Variants in NUP214 observed in about 807,000 individuals in gnomAD.
NUP214 encodes the protein nuclear pore complex protein Nup214.
In NUP214, 79 loss-of-function variants were observed where a neutral mutation model predicts 196.2. That is an observed-to-expected ratio of 0.40 (90% confidence interval 0.34 to 0.49). NUP214 has a LOEUF of 0.49. Ranked by LOEUF, NUP214 falls within the 20% of genes least tolerant of loss-of-function variation. NUP214 has a pLI of 0.58. For missense variants in NUP214, 2,468 were observed against 2,539.0 expected, an observed-to-expected ratio of 0.97 and a Z score of 0.60; for synonymous variants, 1,020 against 990.5, an observed-to-expected ratio of 1.03 and a Z score of -0.56.
intron 32 of NUP214, among the ~76,000 whole-genome samples, chr9:131,223,895 C>T (rs374349029): frequency 1.3e-4 from 19 of 150,244 alleles, no homozygotes; most frequent in Non-Finnish European, 2.2e-4. Context: ...CCACCACGCC[C>T]GGCTAATTTT....
chr9:131,146,371 A>T lies in NUP214; in HGVS notation c.1945+67A>T. 6.7e-7 allele frequency: 1 copy of T among 1,498,806 alleles called. No homozygotes were observed. Among genetic ancestry groups the T allele is most frequent in the South Asian group, 1.2e-5 (1 of 86,472 alleles). The allele number at this position is 1,498,806 out of a possible 1,614,324, so 92.8% of individuals were successfully genotyped here. ...TCTCAGATTAACGGTTTTAAGTGTT[A>T]AGAGTCGTAGCTAACATAGTTGGAC... On this transcript the variant is annotated intron_variant, in intron 13 of 35. Coordinates refer to ENST00000359428, the MANE Select transcript of NUP214 (RefSeq NM_005085.4). The surrounding 1 kb of genome is among the most constrained non-coding windows in gnomAD (Gnocchi z 4.6).
intron 31 of NUP214, among the ~76,000 whole-genome samples, chr9:131,217,919 T>A (rs981759): frequency 0.61 from 92,287 of 152,056 alleles, 28,143 homozygotes; most frequent in Admixed American, 0.71. Flanking sequence ...GTTGTTCATT[T>A]GGTGACATCG....
At chr9:131,220,880 A>C (rs1299592606) in intron 31 of NUP214, among the ~76,000 whole-genome samples, 3 of 152,250 alleles carry the variant, frequency 2.0e-5, no homozygotes, top group African/African-American at 7.2e-5. Flanking sequence ...AAAGACTTCT[A>C]AATGATCTCT....
At chr9:131,190,693 A>G (rs1341367329) in intron 26 of NUP214, 4 of 433,398 alleles carry the variant, frequency 9.2e-6, no homozygotes, top group East Asian at 3.9e-5. Context: ...GTAGAGATAT[A>G]TAATGTAGAA....
chr9:131,147,739 A>G (rs1832126461), intron 14 of NUP214, among the ~76,000 whole-genome samples, 155 bp downstream of exon 14: 1 of 152,286 alleles, frequency 6.6e-6, no homozygotes, highest in South Asian at 2.1e-4. Context: ...AGGTTTGAAT[A>G]CTTGTATACT....
chr9:131,205,693 T>G (rs1834056497), intron 30 of NUP214, among the ~76,000 whole-genome samples: 2 of 152,168 alleles, frequency 1.3e-5, no homozygotes, highest in South Asian at 2.1e-4. Context: ...GGTTTGTTTT[T>G]TTGTTGTTGT....
chr9:131,176,873 G>C (rs114474174), intron 23 of NUP214, among the ~76,000 whole-genome samples: 7,173 of 152,046 alleles, frequency 0.047, 259 homozygotes, highest in African/African-American at 0.1. Flanking sequence ...CCACTTCCCT[G>C]TCCTCCACCC....
intron 16 of NUP214, among the ~76,000 whole-genome samples, chr9:131,151,275 T>C (rs1171638794): frequency 6.6e-6 from 1 of 152,228 alleles, no homozygotes; most frequent in African/African-American, 2.4e-5. Context: ...CTCACAACTT[T>C]GCTGTGTCAT....
chr9:131,131,216 A>G (rs1435428800), intron 5 of NUP214, among the ~76,000 whole-genome samples: 1 of 152,276 alleles, frequency 6.6e-6, no homozygotes, highest in Non-Finnish European at 1.5e-5. Flanking sequence ...ATGATAATGC[A>G]GAATCACTCT....
intron 28 of NUP214, 29 bp from the exon 29 acceptor site, chr9:131,197,187 C>A (rs1398401662): frequency 6.2e-7 from 1 of 1,605,490 alleles, no homozygotes; most frequent in South Asian, 1.1e-5. Context: ...CTAAATCCAA[C>A]CCATTTTCTG....
intron 21 of NUP214, chr9:131,167,441 T>TAGCTATA (rs1488087662): frequency 1.3e-5 from 2 of 152,274 alleles, no homozygotes. Flanking sequence ...AGGTTCTGAA[T>TAGCTATA]ATTCCCGTGT....
intron 32 of NUP214, among the ~76,000 whole-genome samples, chr9:131,223,996 C>A (rs1751653): frequency 0.97 from 146,544 of 151,192 alleles, 71,212 homozygotes; most frequent in East Asian, 1. Flanking sequence ...GGCCTCCCAA[C>A]GTGCTGGGAT....
Position 131,150,724 on chromosome 9 carries a change from G to A in NUP214, c.2236G>A (p.Asp746Asn). The change falls in exon 16 of 36, where the codon GAC (aspartate) becomes AAC (asparagine). Residue 746 changes from aspartate (D) to asparagine (N), a missense_variant. By Grantham distance (23) the Asp-to-Asn change is conservative. Coordinates refer to ENST00000359428, the MANE Select transcript of NUP214 (RefSeq NM_005085.4). ...EMKMLRTESD[D>N]LHTFLLEIKE... ...GAAGATGCTGCGAACAGAATCAGAT[G>A]ACTTGCATACCTTTCTTTTGGAGAT... The A allele has an allele frequency of 6.2e-7, 1 of 1,614,060 alleles. No homozygotes were observed.
At position 131,206,060 on chromosome 9, in the gene NUP214, C is replaced by A. The variant is rs139676139; in HGVS notation, c.5592+4343C>A. 3.8e-3 allele frequency among the ~76,000 whole-genome samples: 579 copies of A among 151,580 alleles called. 3 individuals are homozygous for A. The highest frequency in any genetic ancestry group is 0.013 in the African/African-American group (527 of 41,260). Reference sequence around the variant, plus strand: ...ATTCATAGCAACATTGTTATAATAGCTTACAACTAGAAGCAGCCCAAATGT... The same window carrying A: ...ATTCATAGCAACATTGTTATAATAGATTACAACTAGAAGCAGCCCAAATGT... On this transcript the variant is annotated intron_variant, in intron 30 of 35. Transcript: ENST00000359428.
At chr9:131,180,472 T>G (rs181190390) in intron 24 of NUP214, among the ~76,000 whole-genome samples, 4 of 152,382 alleles carry the variant, frequency 2.6e-5, no homozygotes, top group African/African-American at 9.6e-5. Context: ...CAGATTCTTT[T>G]AAACAGTAGT....
At chr9:131,230,535 T>G in intron 33 of NUP214, 95 bp from the exon 34 acceptor site, 4 of 1,434,616 alleles carry the variant, frequency 2.8e-6, no homozygotes, top group Admixed American at 1.8e-5. Context: ...ATGAGTGTCG[T>G]GTGTATTGGG....
intron 2 of NUP214, 34 bp from the exon 3 acceptor site, chr9:131,128,298 C>A (rs1457237636): frequency 6.3e-7 from 1 of 1,592,658 alleles, no homozygotes; most frequent in Non-Finnish European, 8.6e-7. Flanking sequence ...TTAGAACATA[C>A]CGTTTTCTGC....
chr9:131,212,609 G>T (rs1834276730), intron 30 of NUP214, among the ~76,000 whole-genome samples: 1 of 152,158 alleles, frequency 6.6e-6, no homozygotes, highest in African/African-American at 2.4e-5. Context: ...GCCATCCTCA[G>T]CCCTCTGTTA....
chr9:131,170,517 G>T (rs1832927126), intron 21 of NUP214, among the ~76,000 whole-genome samples: 1 of 152,162 alleles, frequency 6.6e-6, no homozygotes, highest in African/African-American at 2.4e-5. Context: ...TGGGAGACAT[G>T]CACATCTTTT....
Sources: allele counts gnomAD v4.1 joint callset (sites outside exome capture counted in the v4.1 genomes callset), GRCh38; gene constraint gnomAD v4.1.1; non-coding constraint Gnocchi (gnomAD v3.1); transcripts MANE v1.5; gene names NCBI Gene and HGNC (gene_info 2026-07-23, HGNC 2026-07-21).